Variants in AGPAT5 observed in about 807,000 individuals in gnomAD.
AGPAT5 encodes the protein 1-acyl-sn-glycerol-3-phosphate acyltransferase epsilon.
Under a neutral mutation model 45.6 loss-of-function variants are expected in AGPAT5, and 46 were observed. The observed-to-expected ratio is 1.01, with a 90% CI of 0.80 to 1.29. The LOEUF (loss-of-function observed/expected upper bound fraction) is 1.29. AGPAT5 is among the 50% of genes most tolerant of loss of function. The probability of loss-of-function intolerance (pLI) is 0.00; values close to 1 mark genes in which losing one functional copy is unlikely to be tolerated. For missense variants in AGPAT5, 673 were observed against 450.7 expected (o/e 1.49, Z -4.47); for synonymous variants, 272 against 167.0 (o/e 1.63, Z -4.85).
chr8:6,752,101 C>T lies in AGPAT5; in HGVS notation c.746-2950C>T, dbSNP rs141463229. 2.6e-5 allele frequency among the ~76,000 whole-genome samples: 4 copies of T among 152,074 alleles called. No homozygotes were observed. In the East Asian group the frequency reaches 5.8e-4, roughly 22 times the overall value. On this transcript the variant is annotated intron_variant, in intron 6 of 7. Coordinates refer to ENST00000285518, the MANE Select transcript of AGPAT5 (RefSeq NM_018361.5). ...CTGAGGTAGGGGAATCACTTGAATC[C>T]GGGAGGCAGCAGTTGCAGTGAGCTA...
rs142557897 is a variant in AGPAT5 at position 6,742,525 on chromosome 8, C to A, written c.586+774C>A. On this transcript the variant is annotated intron_variant, in intron 5 of 7. Coordinates refer to ENST00000285518, the MANE Select transcript of AGPAT5 (RefSeq NM_018361.5). ...CACTGAGCAAATACCTTGTTGGTGACATTACAGCAGGGCCTATGACAGTGC... is the reference window on the plus strand; with the variant it reads ...CACTGAGCAAATACCTTGTTGGTGAAATTACAGCAGGGCCTATGACAGTGC... Among the ~76,000 whole-genome samples the A allele has an allele frequency of 3.9e-4, 59 of 152,278 alleles. 1 individual carries two copies. The East Asian group carries it at 9.8e-3, about 25-fold the overall frequency.
chr8:6,761,348 AG>A lies in AGPAT5; in HGVS notation c.*3962del, dbSNP rs1274087804. Among the ~76,000 whole-genome samples the A allele has an allele frequency of 6.6e-6, 1 of 152,150 alleles. No homozygotes were observed. Among genetic ancestry groups the A allele is most frequent in the Non-Finnish European group, 1.5e-5 (1 of 68,016 alleles). On this transcript the variant is annotated 3_prime_UTR_variant, in exon 8 of 8. Coordinates refer to ENST00000285518, the MANE Select transcript of AGPAT5 (RefSeq NM_018361.5). The stretch of plus-strand genomic sequence containing the variant: ...AAATGTTCATGTCTTTTTTTAAAAA[AG>A]GTGCTATTGAAATTCTGTGTCTCCA...
At chr8:6,727,639 C>T (rs997869104) in intron 2 of AGPAT5, among the ~76,000 whole-genome samples, 1 of 152,210 alleles carries the variant, frequency 6.6e-6, no homozygotes, top group African/African-American at 2.4e-5. Context: ...CCTCGGCCTC[C>T]CAAAGTGCAG....
rs576370548 is a variant in AGPAT5, at chr8:6,737,100, C to T, written c.495+4450C>T. Among the ~76,000 whole-genome samples, 28 of 152,328 alleles carry T rather than the reference C, an allele frequency of 1.8e-4. No homozygotes were observed. In the South Asian group the frequency reaches 1.9e-3, roughly 10 times the overall value. ...GTTATGGGCTACGAGAATAGCCTCCCTGTTTTTTGTGGGCAAAATTCCAGC... is the reference window on the plus strand; with the variant it reads ...GTTATGGGCTACGAGAATAGCCTCCTTGTTTTTTGTGGGCAAAATTCCAGC... On this transcript the variant is annotated intron_variant, in intron 4 of 7. Transcript: ENST00000285518.
chr8:6,749,640 G>A (rs1801590949), intron 6 of AGPAT5, among the ~76,000 whole-genome samples: 1 of 152,034 alleles, frequency 6.6e-6, no homozygotes, highest in South Asian at 2.1e-4. Flanking sequence ...CAGAAAAGTG[G>A]CATATTAATA....
rs545070090 is a variant in AGPAT5 at position 6,758,377 on chromosome 8, T to C, written c.*989T>C. The stretch of plus-strand genomic sequence containing the variant: ...TATTCATTCAGAAGTCGCGTTTCTG[T>C]AGTGTGGTGGATTCCCACTGGGCTC... On this transcript the variant is annotated 3_prime_UTR_variant, in exon 8 of 8. Coordinates refer to ENST00000285518, the MANE Select transcript of AGPAT5 (RefSeq NM_018361.5). 7.0e-4 allele frequency: 107 copies of C among 152,804 alleles called. No homozygotes were observed. The highest frequency in any genetic ancestry group is 1.2e-3 in the Non-Finnish European group (85 of 68,050). 9.5% of individuals were successfully genotyped at this position (152,804 alleles called of 1,614,324 possible). A position where few individuals can be genotyped will look rare whatever the true frequency, so the allele number is the denominator to read the frequency against.
chr8:6,713,609 C>T (rs922753908), intron 1 of AGPAT5, among the ~76,000 whole-genome samples: 5 of 152,154 alleles, frequency 3.3e-5, no homozygotes, highest in Non-Finnish European at 5.9e-5. Context: ...ACCAGAGGTG[C>T]AGTGGTGCAG....
chr8:6,732,516 T>A, intron 3 of AGPAT5, 45 bp from the exon 4 acceptor site: 3 of 1,525,724 alleles, frequency 2.0e-6, no homozygotes, highest in Non-Finnish European at 2.7e-6. Flanking sequence ...TGGCCAATTG[T>A]TATTTTAAAA....
chr8:6,722,717 A>T (rs948025370), intron 1 of AGPAT5, among the ~76,000 whole-genome samples: 1 of 152,234 alleles, frequency 6.6e-6, no homozygotes, highest in Non-Finnish European at 1.5e-5. Flanking sequence ...TGTGTGCAAG[A>T]TAAATAAGTT....
chr8:6,751,949 C>T (rs548867632), intron 6 of AGPAT5, among the ~76,000 whole-genome samples: 28 of 151,840 alleles, frequency 1.8e-4, no homozygotes, highest in Middle Eastern at 3.4e-3. Flanking sequence ...GATGCTGAGG[C>T]GGGTGGATCA....
At chr8:6,756,011 CTTATT>C (rs1801820878) in intron 7 of AGPAT5, among the ~76,000 whole-genome samples, 1 of 152,138 alleles carries the variant, frequency 6.6e-6, no homozygotes, top group African/African-American at 2.4e-5. Flanking sequence ...TAATGTCCTA[CTTATT>C]TTATAAGTAT....
At chr8:6,708,998 A>C (rs1028898072) in intron 1 of AGPAT5, 111 bp downstream of exon 1, 6 of 986,800 alleles carry the variant, frequency 6.1e-6, no homozygotes, top group Admixed American at 6.0e-5. Flanking sequence ...CGGCGGACCC[A>C]GCACGGAGAG....
chr8:6,758,757 G>A lies in AGPAT5; in HGVS notation c.*1369G>A, dbSNP rs1252072072. ...TGGAACAATATATCCCATGGGAGAAGACCTTTCAGTGTGAACTGTTCTATT... is the reference window on the plus strand; with the variant it reads ...TGGAACAATATATCCCATGGGAGAAAACCTTTCAGTGTGAACTGTTCTATT... On this transcript the variant is annotated 3_prime_UTR_variant, in exon 8 of 8. Coordinates refer to ENST00000285518, the MANE Select transcript of AGPAT5 (RefSeq NM_018361.5). The A allele has an allele frequency of 1.3e-5, 2 of 152,646 alleles. No individual in the cohort carries two copies. Among genetic ancestry groups the A allele is most frequent in the African/African-American group, 4.8e-5 (2 of 41,460 alleles). 9.5% of individuals were successfully genotyped at this position (152,646 alleles called of 1,614,324 possible).
chr8:6,742,361 A>T (rs1801270144), intron 5 of AGPAT5, among the ~76,000 whole-genome samples: 1 of 152,246 alleles, frequency 6.6e-6, no homozygotes, highest in Admixed American at 6.5e-5. Flanking sequence ...AGAAAATTGA[A>T]TAATTGGTAC....
At position 6,741,801 on chromosome 8, in the gene AGPAT5, A is replaced by G. The variant is rs1801253933; in HGVS notation, c.586+50A>G. ...ACAAATAATTTTCAAAGATAATAAC[A>G]TTTTTAGTTTTTCTTCCTGGAAAAG... On this transcript the variant is annotated intron_variant, in intron 5 of 7. Coordinates refer to ENST00000285518, the MANE Select transcript of AGPAT5 (RefSeq NM_018361.5). 2.1e-6 allele frequency: 3 copies of G among 1,429,206 alleles called. No homozygotes were observed. In the East Asian group the frequency reaches 6.9e-5, roughly 33 times the overall value. The allele number at this position is 1,429,206 out of a possible 1,614,324, so 88.5% of individuals were successfully genotyped here.
intron 5 of AGPAT5, among the ~76,000 whole-genome samples, chr8:6,743,562 A>G (rs1038760036): frequency 6.6e-6 from 1 of 152,236 alleles, no homozygotes; most frequent in Non-Finnish European, 1.5e-5. Context: ...AAACTTAGAC[A>G]TGGAGGAAGA....
rs1294166558 is a variant in AGPAT5 at position 6,759,767 on chromosome 8, T to C, written c.*2379T>C. The C allele has an allele frequency of 2.0e-5, 3 of 152,144 alleles. No individual in the cohort carries two copies. The highest frequency in any genetic ancestry group is 1.3e-4 in the Admixed American group (2 of 15,262). 9.4% of individuals were successfully genotyped at this position (152,144 alleles called of 1,614,324 possible). ...GGCCCTGCATTCTTCACAATATTTT[T>C]CCCTAAGCTTTGAGCAAAGTTTTAA... On this transcript the variant is annotated 3_prime_UTR_variant, in exon 8 of 8. Coordinates refer to ENST00000285518, the MANE Select transcript of AGPAT5 (RefSeq NM_018361.5).
Position 6,758,971 on chromosome 8 carries a change from C to G in AGPAT5, c.*1583C>G, listed in dbSNP as rs1037538135. Reference sequence around the variant, plus strand: ...TAAGTGACTGTGTTACACTGCTTCTCCCATGCCAGAGAATAAACTCTTTCA... The same window carrying G: ...TAAGTGACTGTGTTACACTGCTTCTGCCATGCCAGAGAATAAACTCTTTCA... On this transcript the variant is annotated 3_prime_UTR_variant, in exon 8 of 8. Coordinates refer to ENST00000285518, the MANE Select transcript of AGPAT5 (RefSeq NM_018361.5). The G allele has an allele frequency of 2.0e-5, 3 of 152,482 alleles. No individual in the cohort carries two copies. The highest frequency in any genetic ancestry group is 4.4e-5 in the Non-Finnish European group (3 of 68,036). 9.4% of individuals were successfully genotyped at this position (152,482 alleles called of 1,614,324 possible).
At chr8:6,734,820 C>G (rs1800989439) in intron 4 of AGPAT5, among the ~76,000 whole-genome samples, 1 of 151,914 alleles carries the variant, frequency 6.6e-6, no homozygotes, top group Non-Finnish European at 1.5e-5. Context: ...TTGGGTTTTG[C>G]TCATGTGCTT....
Sources: allele counts gnomAD v4.1 joint callset (sites outside exome capture counted in the v4.1 genomes callset), GRCh38; gene constraint gnomAD v4.1.1; transcripts MANE v1.5; gene names NCBI Gene and HGNC (gene_info 2026-07-23, HGNC 2026-07-21).